The following SLC43A2 variants were observed in gnomAD, a reference collection of about 807,000 sequenced individuals.
SLC43A2 encodes the protein solute carrier family 43 member 2.
A neutral mutation model predicts 63.2 loss-of-function variants in SLC43A2; 38 were observed. The ratio of observed to expected loss-of-function variants is 0.60; its 90% CI spans 0.46 to 0.79. The LOEUF (loss-of-function observed/expected upper bound fraction) is 0.79. Ranked by LOEUF, SLC43A2 falls within the 30% of genes least tolerant of loss-of-function variation. SLC43A2 has a pLI of 0.00. For missense variants in SLC43A2, 644 were observed against 756.2 expected, an observed-to-expected ratio of 0.85 and a Z score of 1.74; for synonymous variants, 322 against 331.0, an observed-to-expected ratio of 0.97 and a Z score of 0.30.
At chr17:1,627,630 G>A (rs1310278242) in intron 2 of SLC43A2, 85 bp downstream of exon 2, 1 of 985,198 alleles carries the variant, frequency 1.0e-6, no homozygotes, top group Non-Finnish European at 1.4e-6. Flanking sequence ...GCGGTGCTGT[G>A]GCTCGCTAGG....
Position 1,595,389 on chromosome 17 carries a change from T to TC in SLC43A2, c.502-2111dup, listed in dbSNP as rs78279940. Among the ~76,000 whole-genome samples the TC allele has an allele frequency of 5.7e-4, 86 of 149,896 alleles. 1 individual carries two copies. The Middle Eastern group carries it at 0.014, about 25-fold the overall frequency. On this transcript the variant is annotated intron_variant, in intron 5 of 13. Transcript: ENST00000301335. ...GCCTCCAACTTGGCTCAAGTGATCT[T>TC]CCCCCCCCAGCTCCCAAGTCACTGG...
chr17:1,588,011 C>A (rs1160291614), intron 9 of SLC43A2, among the ~76,000 whole-genome samples: 1 of 152,236 alleles, frequency 6.6e-6, no homozygotes, highest in Non-Finnish European at 1.5e-5. Flanking sequence ...GTGCCACACC[C>A]TGAGGGTGGG....
intron 9 of SLC43A2, among the ~76,000 whole-genome samples, chr17:1,587,564 A>G (rs1240659177): frequency 3.9e-5 from 6 of 152,060 alleles, no homozygotes; most frequent in Non-Finnish European, 8.8e-5. Context: ...GTGGCCCCTG[A>G]GCTGCTGCTC....
Position 1,593,285 on chromosome 17 carries a change from A to G in SLC43A2, c.502-6T>C, listed in dbSNP as rs1904992750. 1.9e-6 allele frequency: 3 copies of G among 1,613,086 alleles called. No individual in the cohort carries two copies. The highest frequency in any genetic ancestry group is 2.5e-6 in the Non-Finnish European group (3 of 1,179,600). ...TCGCCGAACATGTTGGGCAGCTGAG[A>G]GATAAGAAGCAGAGAAACCTCAGTG... On this transcript the variant is annotated splice_polypyrimidine_tract_variant and splice_region_variant and intron_variant, in intron 5 of 13. Coordinates refer to ENST00000301335, the MANE Select transcript of SLC43A2 (RefSeq NM_152346.3). This position sits in a 1 kb window ranked among gnomAD's most constrained non-coding sequence, Gnocchi z 5.3.
In SLC43A2 at chr17:1,578,403, C is replaced by T; in HGVS notation, c.1351-80G>A. 2.2e-6 allele frequency: 3 copies of T among 1,371,534 alleles called. No homozygotes were observed. The highest frequency in any genetic ancestry group is 3.0e-6 in the Non-Finnish European group (3 of 985,188). 85.0% of individuals were successfully genotyped at this position (1,371,534 alleles called of 1,614,324 possible). A position where few individuals can be genotyped will look rare whatever the true frequency, so the allele number is the denominator to read the frequency against. On this transcript the variant is annotated intron_variant, in intron 11 of 13. Coordinates refer to ENST00000301335, the MANE Select transcript of SLC43A2 (RefSeq NM_152346.3). This position sits in a 1 kb window ranked among gnomAD's most constrained non-coding sequence, Gnocchi z 6.5. ...GCCCCCGCCCTCCAATTCCTGGGGG[C>T]CCTCACCCCAGGGGCAGTGTCAGCC... is the stretch of plus-strand genomic sequence containing the variant.
intron 11 of SLC43A2, among the ~76,000 whole-genome samples, chr17:1,581,202 CCA>C (rs376885169): frequency 4.7e-5 from 7 of 148,360 alleles, no homozygotes; most frequent in African/African-American, 1.0e-4. Flanking sequence ...TGCCCAGTGC[CCA>C]CACACACACA....
intron 5 of SLC43A2, among the ~76,000 whole-genome samples, chr17:1,598,955 C>A (rs1905608474): frequency 6.6e-6 from 1 of 152,234 alleles, no homozygotes; most frequent in Non-Finnish European, 1.5e-5. Context: ...GTCAGCAGGG[C>A]CATTCCTTAG....
At chr17:1,594,810 G>C (rs12939034) in intron 5 of SLC43A2, among the ~76,000 whole-genome samples, 30,390 of 150,992 alleles carry the variant, frequency 0.2, 3,528 homozygotes, top group Non-Finnish European at 0.25. Context: ...GGATGGTCTG[G>C]ATCTCCTGAC....
At chr17:1,591,053 C>G (rs1019168520) in intron 8 of SLC43A2, 105 bp from the exon 9 acceptor site, 1 of 1,364,370 alleles carries the variant, frequency 7.3e-7, no homozygotes, top group East Asian at 2.5e-5. Context: ...GCCCTCGGGA[C>G]GGGCCTGGTG....
At chr17:1,576,471 T>C in intron 13 of SLC43A2, 126 bp downstream of exon 13, 1 of 1,084,436 alleles carries the variant, frequency 9.2e-7, no homozygotes. Context: ...AAGGGACTCT[T>C]AACCAATCCT....
chr17:1,586,095 C>A (rs1218903595), intron 9 of SLC43A2, 44 bp from the exon 10 acceptor site: 2 of 1,533,498 alleles, frequency 1.3e-6, no homozygotes, highest in Admixed American at 4.0e-5. Flanking sequence ...TGGCAGACAG[C>A]CCTGGAGCAG....
chr17:1,594,641 G>T (rs543057062), intron 5 of SLC43A2, among the ~76,000 whole-genome samples: 2,921 of 134,726 alleles, frequency 0.022, 87 homozygotes, highest in Non-Finnish European at 0.034. Context: ...AGGCTGTACT[G>T]CAGTGGCTCT....
intron 6 of SLC43A2, among the ~76,000 whole-genome samples, chr17:1,592,224 C>G (rs1449994637): frequency 6.6e-6 from 1 of 152,188 alleles, no homozygotes; most frequent in Non-Finnish European, 1.5e-5. Flanking sequence ...GTCAGGAGTT[C>G]CAGGCCAGCC....
intron 5 of SLC43A2, chr17:1,604,845 A>G (rs1456083843): frequency 1.3e-6 from 2 of 1,535,326 alleles, no homozygotes; most frequent in Non-Finnish European, 1.7e-6. Context: ...CATCTGGGTC[A>G]CTCCCCACAT....
chr17:1,628,036 G>C (rs1307402231), intron 1 of SLC43A2, 116 bp from the exon 2 acceptor site: 2 of 1,061,670 alleles, frequency 1.9e-6, no homozygotes, highest in African/African-American at 1.7e-5. Flanking sequence ...GGCCGCGGCG[G>C]CCGGTGCGCG....
chr17:1,611,914 A>AGG (rs1224327597), intron 5 of SLC43A2, among the ~76,000 whole-genome samples: 2 of 150,026 alleles, frequency 1.3e-5, no homozygotes, highest in Non-Finnish European at 3.0e-5. Flanking sequence ...GAGCCCACAG[A>AGG]GTTCCCTTCT....
At position 1,593,374 on chromosome 17, in the gene SLC43A2, C is replaced by A; in HGVS notation, c.502-95G>T. On this transcript the variant is annotated intron_variant, in intron 5 of 13. Transcript: ENST00000301335. This position sits in a 1 kb window ranked among gnomAD's most constrained non-coding sequence, Gnocchi z 5.3. Reference sequence around the variant, plus strand: ...AGAACTAGGCCCCATGAGGCCCCTTCTTCACCTGCGCCCCTTCCTGTGTGA... The same window carrying A: ...AGAACTAGGCCCCATGAGGCCCCTTATTCACCTGCGCCCCTTCCTGTGTGA... 1.8e-6 allele frequency: 2 copies of A among 1,098,942 alleles called. No individual in the cohort carries two copies. Among genetic ancestry groups the A allele is most frequent in the Non-Finnish European group, 2.7e-6 (2 of 736,028 alleles). The allele number at this position is 1,098,942 out of a possible 1,614,324, so 68.1% of individuals were successfully genotyped here. A position where few individuals can be genotyped will look rare whatever the true frequency, so the allele number is the denominator to read the frequency against.
chr17:1,600,098 T>C lies in SLC43A2; in HGVS notation c.502-6819A>G, dbSNP rs1375647876. On this transcript the variant is annotated intron_variant, in intron 5 of 13. Transcript: ENST00000301335. Reference sequence around the variant, plus strand: ...TTTTTTTCTATGGGGATGTTAATCTTTCTTTTTTTTTTTTACAGTAAGCTA... The same window carrying C: ...TTTTTTTCTATGGGGATGTTAATCTCTCTTTTTTTTTTTTACAGTAAGCTA... Among the ~76,000 whole-genome samples the C allele has an allele frequency of 2.3e-5, 3 of 130,184 alleles. No homozygotes were observed. The East Asian group carries it at 6.4e-4, about 28-fold the overall frequency. The allele number at this position is 130,184 out of a possible 152,430, so 85.4% of individuals were successfully genotyped here. A position where few individuals can be genotyped will look rare whatever the true frequency, so the allele number is the denominator to read the frequency against.
chr17:1,612,255 T>C (rs567386919), intron 5 of SLC43A2, among the ~76,000 whole-genome samples: 228 of 152,186 alleles, frequency 1.5e-3, no homozygotes, highest in Non-Finnish European at 3.0e-3. Context: ...TGAGCCACCA[T>C]GCCCAGCCCC....
Sources: gnomAD v4.1 joint callset for allele counts (sites outside exome capture counted in the v4.1 genomes callset) on GRCh38, gnomAD v4.1.1 for gene constraint, Gnocchi (gnomAD v3.1) non-coding constraint, MANE v1.5 for transcripts, NCBI Gene and HGNC (gene_info 2026-07-23, HGNC 2026-07-21) for gene names.